CACNA1E: variants seen among roughly 807,000 people sequenced by gnomAD.
CACNA1E encodes calcium voltage-gated channel subunit alpha1 E.
Under a neutral mutation model 259.2 loss-of-function variants are expected in CACNA1E, and 40 were observed. The ratio of observed to expected loss-of-function variants is 0.15; its 90% CI spans 0.12 to 0.20. CACNA1E has a LOEUF of 0.20. Ranked by LOEUF, CACNA1E falls within the 10% of genes least tolerant of loss-of-function variation. The probability of loss-of-function intolerance (pLI) is 1.00; values close to 1 mark genes in which losing one functional copy is unlikely to be tolerated. For missense variants in CACNA1E, 1,874 were observed against 3,040.1 expected, an observed-to-expected ratio of 0.62 and a Z score of 9.02; for synonymous variants, 1,104 against 1,138.5, an observed-to-expected ratio of 0.97 and a Z score of 0.61.
chr1:181,568,981 A>C (rs1412306594), intron 3 of CACNA1E, among the ~76,000 whole-genome samples: 2 of 152,076 alleles, frequency 1.3e-5, no homozygotes, highest in Non-Finnish European at 2.9e-5. Context: ...TCAGTTTTTC[A>C]GATATGCTGG....
rs537796878 is a variant in CACNA1E, at chr1:181,630,548, C to G, written c.952-20790C>G. On this transcript the variant is annotated intron_variant, in intron 6 of 47. Coordinates refer to ENST00000367573, the MANE Select transcript of CACNA1E (RefSeq NM_001205293.3). ...CCCAGCTGTATTGCAACAACGCCCT[C>G]TCCATCTGGGAATACGGCCCAGGCA... is the stretch of plus-strand genomic sequence containing the variant. Among the ~76,000 whole-genome samples the G allele has an allele frequency of 3.3e-4, 50 of 152,286 alleles. 1 individual carries two copies. The highest frequency in any genetic ancestry group is 2.9e-5 in the Non-Finnish European group (2 of 68,020).
At chr1:181,359,968 C>T (rs571235337) in intron 1 of CACNA1E, among the ~76,000 whole-genome samples, 1 of 152,234 alleles carries the variant, frequency 6.6e-6, no homozygotes, top group South Asian at 2.1e-4. Flanking sequence ...TGCTGCCCAG[C>T]CTTACTTTCA....
At chr1:181,682,241 T>A (rs1443533353) in intron 7 of CACNA1E, among the ~76,000 whole-genome samples, 1 of 152,212 alleles carries the variant, frequency 6.6e-6, no homozygotes, top group Non-Finnish European at 1.5e-5. Flanking sequence ...TTCAGTTGAC[T>A]TTGTCAGATT....
intron 1 of CACNA1E, among the ~76,000 whole-genome samples, chr1:181,362,594 T>C (rs1571665752): frequency 6.6e-6 from 1 of 152,240 alleles, no homozygotes; most frequent in Non-Finnish European, 1.5e-5. Flanking sequence ...GTGAAAATAC[T>C]GTGAGCTCTG....
intron 2 of CACNA1E, among the ~76,000 whole-genome samples, chr1:181,461,697 C>T (rs1243675404): frequency 6.6e-6 from 1 of 152,040 alleles, no homozygotes; most frequent in Non-Finnish European, 1.5e-5. Flanking sequence ...AATACCAGCT[C>T]TTGCAGAATA....
intron 6 of CACNA1E, among the ~76,000 whole-genome samples, chr1:181,581,736 G>A (rs1347584550): frequency 1.3e-5 from 2 of 152,214 alleles, no homozygotes; most frequent in African/African-American, 4.8e-5. Flanking sequence ...GGGTAAAGCA[G>A]TTTGGGCAGG....
At chr1:181,673,351 CA>C (rs1470139786) in intron 7 of CACNA1E, among the ~76,000 whole-genome samples, 5 of 152,154 alleles carry the variant, frequency 3.3e-5, no homozygotes, top group African/African-American at 4.8e-5. Flanking sequence ...GGTGGAGAAG[CA>C]GGAAGATGTA....
chr1:181,688,110 A>G (rs1650769610), intron 7 of CACNA1E, among the ~76,000 whole-genome samples: 1 of 152,184 alleles, frequency 6.6e-6, no homozygotes, highest in African/African-American at 2.4e-5. Context: ...GTATCTGGGC[A>G]CTAACAATAA....
chr1:181,646,313 T>C (rs1275072237), intron 6 of CACNA1E, among the ~76,000 whole-genome samples: 1 of 152,200 alleles, frequency 6.6e-6, no homozygotes, highest in East Asian at 1.9e-4. Flanking sequence ...AGGCCAGGAA[T>C]GCTGCTAAGG....
intron 46 of CACNA1E, among the ~76,000 whole-genome samples, chr1:181,796,026 T>C (rs1336953365): frequency 6.6e-6 from 1 of 152,134 alleles, no homozygotes; most frequent in East Asian, 1.9e-4. Flanking sequence ...TATGCAGCCA[T>C]ATTTATGATA....
At chr1:181,572,342 C>T (rs1572247224) in intron 3 of CACNA1E, among the ~76,000 whole-genome samples, 1 of 152,214 alleles carries the variant, frequency 6.6e-6, no homozygotes, top group South Asian at 2.1e-4. Context: ...ATGAGAAAGA[C>T]TTGTGCTGCA....
chr1:181,614,532 T>C (rs1336738871), intron 6 of CACNA1E, among the ~76,000 whole-genome samples: 1 of 152,234 alleles, frequency 6.6e-6, no homozygotes, highest in Non-Finnish European at 1.5e-5. Context: ...TATTGTCACA[T>C]GGTGTTTGAA....
At chr1:181,626,049 CACA>C (rs1656170235) in intron 6 of CACNA1E, among the ~76,000 whole-genome samples, 1 of 152,078 alleles carries the variant, frequency 6.6e-6, no homozygotes, top group African/African-American at 2.4e-5. Flanking sequence ...AGTCATAACA[CACA>C]ACATTTATCA....
At chr1:181,595,260 A>C (rs1653045306) in intron 6 of CACNA1E, among the ~76,000 whole-genome samples, 1 of 152,168 alleles carries the variant, frequency 6.6e-6, no homozygotes, top group Admixed American at 6.5e-5. Flanking sequence ...CCTTGAATGA[A>C]TGATCAAGGC....
intron 27 of CACNA1E, among the ~76,000 whole-genome samples, chr1:181,752,986 G>T (rs1484560477): frequency 1.3e-5 from 2 of 152,180 alleles, no homozygotes; most frequent in Non-Finnish European, 2.9e-5. Flanking sequence ...ATACTTTGCT[G>T]TTAGTGGAAG....
intron 1 of CACNA1E, among the ~76,000 whole-genome samples, chr1:181,381,732 A>G (rs1187552106): frequency 2.0e-5 from 3 of 152,228 alleles, no homozygotes; most frequent in Non-Finnish European, 4.4e-5. Flanking sequence ...TTAATTCTAT[A>G]CAAGGAATTA....
chr1:181,771,222 C>T lies in CACNA1E; in HGVS notation c.4882-71C>T. ...GGAAGAGCCATGCAAGTGGCTTTGC[C>T]AACCCTCATGTGCTGGACACATCAC... On this transcript the variant is annotated intron_variant, in intron 35 of 47. Transcript: ENST00000367573. 3.5e-6 allele frequency: 3 copies of T among 858,354 alleles called. No individual in the cohort carries two copies. The South Asian group carries it at 4.8e-5, about 14-fold the overall frequency. The allele number at this position is 858,354 out of a possible 1,614,324, so 53.2% of individuals were successfully genotyped here. A position where few individuals can be genotyped will look rare whatever the true frequency, so the allele number is the denominator to read the frequency against.
chr1:181,689,286 C>A (rs13375225), intron 7 of CACNA1E, among the ~76,000 whole-genome samples: 3,072 of 152,260 alleles, frequency 0.02, 120 homozygotes, highest in African/African-American at 0.07. Flanking sequence ...CCAGCTTCAT[C>A]CATGTCCCTG....
At chr1:181,524,182 TC>T (rs563994682) in intron 3 of CACNA1E, among the ~76,000 whole-genome samples, 51 of 152,368 alleles carry the variant, frequency 3.3e-4, no homozygotes, top group Middle Eastern at 3.4e-3. Flanking sequence ...TGCTCATCCC[TC>T]AACCAGACTA....
Sources: gnomAD v4.1 joint callset for allele counts (sites outside exome capture counted in the v4.1 genomes callset) on GRCh38, gnomAD v4.1.1 for gene constraint, MANE v1.5 for transcripts, NCBI Gene and HGNC (gene_info 2026-07-23, HGNC 2026-07-21) for gene names.